MDGA2: variants seen among roughly 807,000 people sequenced by gnomAD.
The protein encoded by MDGA2 is MAM domain-containing glycosylphosphatidylinositol anchor protein 2.
A neutral mutation model predicts 117.8 loss-of-function variants in MDGA2; 40 were observed. The ratio of observed to expected loss-of-function variants is 0.34; its 90% CI spans 0.26 to 0.44. The LOEUF (loss-of-function observed/expected upper bound fraction) is 0.44, where lower values mean the gene tolerates loss of function less well. Ranked by LOEUF, MDGA2 falls within the 20% of genes least tolerant of loss-of-function variation. The probability of loss-of-function intolerance (pLI) is 1.00; values close to 1 mark genes in which losing one functional copy is unlikely to be tolerated. For missense variants in MDGA2, 1,123 were observed against 1,250.6 expected, an observed-to-expected ratio of 0.90 and a Z score of 1.54; for synonymous variants, 452 against 439.0, an observed-to-expected ratio of 1.03 and a Z score of -0.37.
At chr14:47,476,547 T>C (rs117779159) in intron 1 of MDGA2, among the ~76,000 whole-genome samples, 2,807 of 151,978 alleles carry the variant, frequency 0.018, 59 homozygotes, top group East Asian at 0.1. Flanking sequence ...AGAAAAAAAA[T>C]AGAAAACAAA....
intron 2 of MDGA2, among the ~76,000 whole-genome samples, chr14:47,219,327 G>A (rs560798050): frequency 2.5e-4 from 38 of 150,868 alleles, no homozygotes; most frequent in Admixed American, 7.2e-4. Flanking sequence ...ATATAACCAC[G>A]TTTGCCCTTA....
intron 1 of MDGA2, among the ~76,000 whole-genome samples, chr14:47,596,180 T>G (rs1896538915): frequency 6.6e-6 from 1 of 152,174 alleles, no homozygotes; most frequent in Non-Finnish European, 1.5e-5. Flanking sequence ...TTAAAATAAG[T>G]GCATTTTATT....
intron 1 of MDGA2, among the ~76,000 whole-genome samples, chr14:47,358,098 T>G (rs554629136): frequency 1.4e-4 from 22 of 152,192 alleles, no homozygotes; most frequent in African/African-American, 5.1e-4. Flanking sequence ...GATCCATACA[T>G]GCCTGAATTG....
chr14:47,531,028 A>G (rs960349032), intron 1 of MDGA2, among the ~76,000 whole-genome samples: 14 of 152,152 alleles, frequency 9.2e-5, no homozygotes, highest in Non-Finnish European at 1.3e-4. Flanking sequence ...GGCGGATCAC[A>G]AGGTCAGGAG....
rs533475206 is a variant in MDGA2, at chr14:47,517,161, A to AT, written c.280+157355dup. On this transcript the variant is annotated intron_variant, in intron 1 of 16. Coordinates refer to ENST00000399232, the MANE Select transcript of MDGA2 (RefSeq NM_001113498.3). ...TCAGATAAAATGAATCTTAGATTGA[A>AT]TTTTTTAAATTAGTGCAAGGAAAAT... Among the ~76,000 whole-genome samples, 343 of 152,276 alleles carry AT rather than the reference A, an allele frequency of 2.3e-3. 18 individuals carry two copies. In the South Asian group the frequency reaches 0.069, roughly 30 times the overall value.
chr14:47,458,318 C>T lies in MDGA2; in HGVS notation c.281-156768G>A, dbSNP rs181101141. On this transcript the variant is annotated intron_variant, in intron 1 of 16. Coordinates refer to ENST00000399232, the MANE Select transcript of MDGA2 (RefSeq NM_001113498.3). ...TCCACTTACATTTTTGCTTTTGTTG[C>T]CTGTGTTTTTGCCATCATATGCAAA... Among the ~76,000 whole-genome samples the T allele has an allele frequency of 5.3e-5, 8 of 152,124 alleles. No individual in the cohort carries two copies. The East Asian group carries it at 1.5e-3, about 29-fold the overall frequency.
chr14:47,524,270 G>A (rs1037465387), intron 1 of MDGA2, among the ~76,000 whole-genome samples: 1 of 152,024 alleles, frequency 6.6e-6, no homozygotes, highest in African/African-American at 2.4e-5. Flanking sequence ...TAAGTGCAGA[G>A]GATTTTACTT....
At chr14:46,938,540 C>CAAAAAAAAAAAAAAAAAAAAAA (rs71112472) in intron 9 of MDGA2, among the ~76,000 whole-genome samples, 343 of 26,904 alleles carry the variant, frequency 0.013, 28 homozygotes, top group Middle Eastern at 0.019. Context: ...AAATCCATCT[C>CAAAAAAAAAAAAAAAAAAAAAA]AAAAAAAAAA....
At chr14:47,492,251 T>C (rs1394670327) in intron 1 of MDGA2, among the ~76,000 whole-genome samples, 1 of 152,112 alleles carries the variant, frequency 6.6e-6, no homozygotes, top group Non-Finnish European at 1.5e-5. Context: ...CGTATCAAAT[T>C]TGCCATGGTT....
chr14:47,613,727 C>T (rs1044593074), intron 1 of MDGA2, among the ~76,000 whole-genome samples: 10 of 152,166 alleles, frequency 6.6e-5, no homozygotes, highest in Admixed American at 5.2e-4. Flanking sequence ...ATTCATCACA[C>T]GTGATGACAA....
chr14:46,891,700 T>C (rs1036860117), intron 10 of MDGA2, among the ~76,000 whole-genome samples: 17 of 151,614 alleles, frequency 1.1e-4, no homozygotes, highest in African/African-American at 4.1e-4. Context: ...TTTTTTGTTT[T>C]AGTTTCTAAA....
intron 3 of MDGA2, chr14:47,200,695 G>T: frequency 1.0e-6 from 1 of 976,232 alleles, no homozygotes; most frequent in Admixed American, 1.9e-5. Flanking sequence ...ACTGGATCTT[G>T]GCCTTCTCCT....
At chr14:47,505,420 T>G (rs567200273) in intron 1 of MDGA2, among the ~76,000 whole-genome samples, 1 of 152,298 alleles carries the variant, frequency 6.6e-6, no homozygotes, top group African/African-American at 2.4e-5. Flanking sequence ...CCTGACTGAC[T>G]CATTACACAA....
At chr14:46,853,689 C>T (rs896357793) in intron 15 of MDGA2, among the ~76,000 whole-genome samples, 1 of 151,192 alleles carries the variant, frequency 6.6e-6, no homozygotes, top group Non-Finnish European at 1.5e-5. Flanking sequence ...ATATTATGAC[C>T]TTGGTATTTT....
chr14:47,360,417 T>A (rs1891095057), intron 1 of MDGA2, among the ~76,000 whole-genome samples: 1 of 149,054 alleles, frequency 6.7e-6, no homozygotes. Context: ...TTAAAAGATG[T>A]GCAAAGGATC....
At chr14:47,028,944 C>A (rs1485146657) in intron 8 of MDGA2, among the ~76,000 whole-genome samples, 2 of 151,816 alleles carry the variant, frequency 1.3e-5, no homozygotes, top group East Asian at 3.9e-4. Context: ...CAATAATTAC[C>A]TTGTCTTTGA....
intron 3 of MDGA2, among the ~76,000 whole-genome samples, chr14:47,158,112 T>C (rs72680219): frequency 0.092 from 13,928 of 152,146 alleles, 736 homozygotes; most frequent in African/African-American, 0.1. Context: ...TTCCACAAAG[T>C]ATAATACCAC....
chr14:47,657,632 T>C, intron 1 of MDGA2, among the ~76,000 whole-genome samples: 1 of 152,190 alleles, frequency 6.6e-6, no homozygotes. Flanking sequence ...GTGCCTACAG[T>C]GCCCCATAAA....
At chr14:47,224,283 T>TGATATA (rs3039434) in intron 2 of MDGA2, among the ~76,000 whole-genome samples, 13,848 of 134,044 alleles carry the variant, frequency 0.1, 740 homozygotes, top group Middle Eastern at 0.15. Context: ...CAATAGAGTC[T>TGATATA]GATATAGATA....
Sources: allele counts gnomAD v4.1 joint callset (sites outside exome capture counted in the v4.1 genomes callset), GRCh38; gene constraint gnomAD v4.1.1; transcripts MANE v1.5; gene names NCBI Gene and HGNC (gene_info 2026-07-23, HGNC 2026-07-21).